PINX1: variants seen among roughly 807,000 people sequenced by gnomAD.
PINX1 encodes the protein PIN2 (TERF1) interacting telomerase inhibitor 1, also known as PIN2/TERF1-interacting telomerase inhibitor 1.
PINX1 carries 34 observed loss-of-function variants against 25.4 expected under a neutral mutation model. The ratio of observed to expected loss-of-function variants is 1.34; its 90% CI spans 1.02 to 1.78. The LOEUF is 1.78. PINX1 is among the 40% of genes most tolerant of loss of function. PINX1 has a pLI of 0.00. For synonymous variants in PINX1, 197 were observed against 147.7 expected (o/e 1.33, Z -2.42); for missense variants, 592 against 404.9 (o/e 1.46, Z -3.97).
At chr8:10,798,051 T>C (rs933530487) in intron 6 of PINX1, among the ~76,000 whole-genome samples, 1 of 152,226 alleles carries the variant, frequency 6.6e-6, no homozygotes, top group Non-Finnish European at 1.5e-5. Flanking sequence ...ACAGCTACAC[T>C]AGAAGTGAGG....
intron 3 of PINX1, among the ~76,000 whole-genome samples, chr8:10,832,095 C>T (rs555205905): frequency 4.7e-4 from 71 of 152,078 alleles, no homozygotes; most frequent in Non-Finnish European, 8.5e-4. Flanking sequence ...AGGGGAAATT[C>T]CATAGTTGAA....
At chr8:10,819,699 G>T (rs903720291) in intron 6 of PINX1, among the ~76,000 whole-genome samples, 31 of 152,240 alleles carry the variant, frequency 2.0e-4, no homozygotes, top group African/African-American at 7.2e-4. Context: ...GTATAATAGA[G>T]GAAATACCCA....
chr8:10,797,082 G>C (rs756187388), intron 6 of PINX1, among the ~76,000 whole-genome samples: 22 of 152,068 alleles, frequency 1.4e-4, no homozygotes, highest in Non-Finnish European at 2.8e-4. Flanking sequence ...AGTAACACAC[G>C]TGAACCTCCA....
At chr8:10,771,954 T>TGG (rs1801237510) in intron 6 of PINX1, among the ~76,000 whole-genome samples, 1 of 152,214 alleles carries the variant, frequency 6.6e-6, no homozygotes, top group South Asian at 2.1e-4. Flanking sequence ...AGTCCAGTGA[T>TGG]CCATCCATTT....
chr8:10,779,975 G>A (rs1429245346), intron 6 of PINX1, among the ~76,000 whole-genome samples: 1 of 152,034 alleles, frequency 6.6e-6, no homozygotes. Flanking sequence ...ACACTAGATT[G>A]GAAGGAAGCT....
At chr8:10,785,895 T>C (rs540673143) in intron 6 of PINX1, among the ~76,000 whole-genome samples, 3 of 152,332 alleles carry the variant, frequency 2.0e-5, no homozygotes, top group Non-Finnish European at 4.4e-5. Context: ...TAGACAAGTG[T>C]TTAGGTTTGT....
intron 6 of PINX1, among the ~76,000 whole-genome samples, chr8:10,814,398 C>T (rs1008203906): frequency 1.3e-5 from 2 of 152,164 alleles, no homozygotes; most frequent in South Asian, 4.1e-4. Flanking sequence ...AAATACGAAG[C>T]ACCAATGAAG....
intron 5 of PINX1, among the ~76,000 whole-genome samples, chr8:10,825,731 T>C (rs1323048678): frequency 6.6e-6 from 1 of 152,200 alleles, no homozygotes; most frequent in Admixed American, 6.5e-5. Context: ...GAGGTATCAA[T>C]ATAGAGCATA....
At chr8:10,836,268 A>G (rs1463811704) in intron 1 of PINX1, among the ~76,000 whole-genome samples, 16 of 152,202 alleles carry the variant, frequency 1.1e-4, no homozygotes, top group Non-Finnish European at 2.4e-4. Context: ...TTGGGCTCGA[A>G]TTTGTAGTGT....
At chr8:10,822,817 G>A (rs139643319) in intron 5 of PINX1, among the ~76,000 whole-genome samples, 104 of 152,252 alleles carry the variant, frequency 6.8e-4, no homozygotes, top group African/African-American at 2.4e-3. Context: ...GAGCTGCCGA[G>A]AGTAAAGAAG....
At chr8:10,790,670 C>T (rs1297763760) in intron 6 of PINX1, among the ~76,000 whole-genome samples, 1 of 152,182 alleles carries the variant, frequency 6.6e-6, no homozygotes, top group East Asian at 1.9e-4. Context: ...GAGGCTCAGG[C>T]TCGGGCTCTG....
chr8:10,788,744 C>A (rs1379883071), intron 6 of PINX1, among the ~76,000 whole-genome samples: 1 of 152,144 alleles, frequency 6.6e-6, no homozygotes, highest in African/African-American at 2.4e-5. Flanking sequence ...TGGACTCTTG[C>A]AGAAAAACAA....
At chr8:10,772,574 T>C (rs1379453386) in intron 6 of PINX1, among the ~76,000 whole-genome samples, 1 of 152,256 alleles carries the variant, frequency 6.6e-6, no homozygotes, top group Non-Finnish European at 1.5e-5. Flanking sequence ...CGCTCACATC[T>C]GGAATTAGGC....
intron 5 of PINX1, among the ~76,000 whole-genome samples, chr8:10,825,697 C>G (rs866902216): frequency 6.6e-6 from 1 of 152,182 alleles, no homozygotes; most frequent in African/African-American, 2.4e-5. Flanking sequence ...AAGGGTCAAC[C>G]AGGGAGTGTG....
chr8:10,778,395 G>A (rs1005726552), intron 6 of PINX1, among the ~76,000 whole-genome samples: 8 of 152,018 alleles, frequency 5.3e-5, no homozygotes, highest in African/African-American at 1.9e-4. Flanking sequence ...CAAATCATTT[G>A]TCCTGTAAAG....
intron 6 of PINX1, among the ~76,000 whole-genome samples, chr8:10,816,034 C>G (rs1431080513): frequency 2.0e-5 from 3 of 152,152 alleles, no homozygotes; most frequent in African/African-American, 7.2e-5. Context: ...ACGATTCTGT[C>G]GGCAGCTGTG....
chr8:10,776,125 G>A (rs530957391), intron 6 of PINX1, among the ~76,000 whole-genome samples: 2 of 152,072 alleles, frequency 1.3e-5, no homozygotes, highest in Admixed American at 6.5e-5. Flanking sequence ...AAAAGCTTTC[G>A]AGAATAAAAT....
Position 10,839,795 on chromosome 8 carries a change from T to C in PINX1, c.-39A>G. ...TGATACCGCCGCCTCTGGACCTGGG[T>C]GACTGCGGCCACTGGGCGGGCTGGA... On this transcript the variant is annotated 5_prime_UTR_variant, in exon 1 of 7. Transcript: ENST00000314787. The C allele has an allele frequency of 6.3e-7, 1 of 1,590,244 alleles. No individual in the cohort carries two copies. The highest frequency in any genetic ancestry group is 1.3e-5 in the African/African-American group (1 of 74,456).
intron 6 of PINX1, among the ~76,000 whole-genome samples, chr8:10,817,818 G>C (rs1797747093): frequency 6.6e-6 from 1 of 152,168 alleles, no homozygotes; most frequent in Admixed American, 6.5e-5. Flanking sequence ...GGTTACTCAC[G>C]ACCCGGAAGC....
Sources: allele counts gnomAD v4.1 joint callset (sites outside exome capture counted in the v4.1 genomes callset), GRCh38; gene constraint gnomAD v4.1.1; transcripts MANE v1.5; gene names NCBI Gene and HGNC (gene_info 2026-07-23, HGNC 2026-07-21).